The following DYRK1A variants were observed in gnomAD, a reference collection of about 807,000 sequenced individuals.
DYRK1A encodes the protein dual specificity tyrosine-phosphorylation-regulated kinase 1A.
DYRK1A carries 9 observed loss-of-function variants against 79.7 expected under a neutral mutation model. That is an observed-to-expected ratio of 0.11 (90% CI 0.07 to 0.20). The LOEUF (loss-of-function observed/expected upper bound fraction) is 0.20, where lower values mean the gene tolerates loss of function less well. DYRK1A is among the 10% of genes least tolerant of loss of function. The pLI is 1.00. For missense variants in DYRK1A, 622 were observed against 956.0 expected (o/e 0.65, Z 4.61); for synonymous variants, 349 against 329.7 (o/e 1.06, Z -0.63).
At chr21:37,404,335 T>C (rs907798944) in intron 1 of DYRK1A, among the ~76,000 whole-genome samples, 9 of 152,174 alleles carry the variant, frequency 5.9e-5, no homozygotes, top group African/African-American at 2.2e-4. Context: ...TGAGATTTCT[T>C]GTCTGTGGCT....
intron 7 of DYRK1A, among the ~76,000 whole-genome samples, chr21:37,491,440 T>C (rs1178152627): frequency 6.6e-6 from 1 of 152,198 alleles, no homozygotes; most frequent in East Asian, 1.9e-4. Flanking sequence ...TAATTTTTCT[T>C]ACTGACTTTT....
chr21:37,486,356 AT>A, intron 5 of DYRK1A, 110 bp from the exon 6 acceptor site: 1 of 874,802 alleles, frequency 1.1e-6, no homozygotes, highest in Non-Finnish European at 1.6e-6. Flanking sequence ...AAAAATAATT[AT>A]AAAAACATAT....
At chr21:37,449,163 C>T (rs544597050) in intron 2 of DYRK1A, among the ~76,000 whole-genome samples, 8 of 152,264 alleles carry the variant, frequency 5.3e-5, no homozygotes, top group Non-Finnish European at 1.2e-4. Context: ...TACTGGAATA[C>T]GTTTGACCAG....
At chr21:37,471,093 T>A (rs573012870) in intron 2 of DYRK1A, among the ~76,000 whole-genome samples, 1 of 152,340 alleles carries the variant, frequency 6.6e-6, no homozygotes, top group East Asian at 1.9e-4. Context: ...ACTTGAGATT[T>A]GTATTTTAGA....
intron 9 of DYRK1A, chr21:37,503,060 CTT>C (rs970146883): frequency 6.7e-6 from 1 of 150,106 alleles, no homozygotes; most frequent in Non-Finnish European, 1.5e-5. Flanking sequence ...AATATTTTCT[CTT>C]TGTTTGATTT....
chr21:37,405,873 G>A (rs1161436032), intron 1 of DYRK1A, among the ~76,000 whole-genome samples: 2 of 152,152 alleles, frequency 1.3e-5, no homozygotes, highest in Non-Finnish European at 2.9e-5. Context: ...GTCATCCAGT[G>A]TCATGGCATC....
At chr21:37,479,377 G>T (rs2052517037) in intron 4 of DYRK1A, among the ~76,000 whole-genome samples, 1 of 151,978 alleles carries the variant, frequency 6.6e-6, no homozygotes, top group Admixed American at 6.6e-5. Context: ...CTGATAAATT[G>T]TTAACAAAGC....
At chr21:37,407,967 A>T (rs1180175327) in intron 1 of DYRK1A, among the ~76,000 whole-genome samples, 1 of 152,078 alleles carries the variant, frequency 6.6e-6, no homozygotes, top group African/African-American at 2.4e-5. Context: ...GAAGTTTCAC[A>T]TTACAGCTCT....
chr21:37,420,003 G>T, intron 1 of DYRK1A: 1 of 162,488 alleles, frequency 6.2e-6, no homozygotes, highest in Non-Finnish European at 1.3e-5. Context: ...TAAAGTAAAT[G>T]GTGGAATATT....
Position 37,512,490 on chromosome 21 carries a change from A to T in DYRK1A, c.2224A>T (p.Thr742Ser), listed in dbSNP as rs147973077. The change falls in exon 12 of 12, where the codon ACA becomes TCA. Residue 742 changes from threonine (T) to serine (S), a missense_variant. Transcript: ENST00000647188. ...GGCTGATAGAGAAGAGTCCCCCATG[A>T]CAGGAGTTTGTGTGCAACAGAGTCC... ...QGADREESPM[T>S]GVCVQQSPVA... 229 of 1,614,078 alleles carry T rather than the reference A, an allele frequency of 1.4e-4. No homozygotes were observed. Among genetic ancestry groups the T allele is most frequent in the Admixed American group, 2.0e-4 (12 of 60,008 alleles).
chr21:37,451,525 C>T (rs888588480), intron 2 of DYRK1A, among the ~76,000 whole-genome samples: 3 of 152,086 alleles, frequency 2.0e-5, no homozygotes, highest in Admixed American at 1.3e-4. Flanking sequence ...TTATTCAGCA[C>T]GGCTGAACAG....
intron 2 of DYRK1A, among the ~76,000 whole-genome samples, chr21:37,461,132 T>A (rs897017455): frequency 6.6e-6 from 1 of 152,216 alleles, no homozygotes; most frequent in African/African-American, 2.4e-5. Context: ...TAAAAAATGA[T>A]ACGTGCTTGT....
In DYRK1A at chr21:37,411,312, C is replaced by T. The variant is rs146641093; in HGVS notation, c.-76-8987C>T. On this transcript the variant is annotated intron_variant, in intron 1 of 11. Transcript: ENST00000647188. The stretch of plus-strand genomic sequence containing the variant: ...CGGAGGTTGCAGTGAGCTGAGATCA[C>T]GCCATTGCACTCCAGCCTGAGTGAC... 9.2e-3 allele frequency among the ~76,000 whole-genome samples: 1,392 copies of T among 151,744 alleles called. 12 individuals carry two copies. The highest frequency in any genetic ancestry group is 0.041 in the Middle Eastern group (12 of 294).
At chr21:37,480,534 C>G (rs2052600043) in intron 4 of DYRK1A, 104 bp from the exon 5 acceptor site, 3 of 869,624 alleles carry the variant, frequency 3.4e-6, no homozygotes, top group Non-Finnish European at 3.4e-6. Context: ...TTTTCTAACT[C>G]AAATGTCAAC....
At chr21:37,383,837 ATGTGTGTG>A (rs112549944) in intron 1 of DYRK1A, among the ~76,000 whole-genome samples, 11 of 148,368 alleles carry the variant, frequency 7.4e-5, no homozygotes, top group African/African-American at 2.3e-4. Context: ...GTAATGGTGT[ATGTGTGTG>A]TGTGTGTGTG....
intron 2 of DYRK1A, among the ~76,000 whole-genome samples, chr21:37,457,683 A>G (rs1479786300): frequency 6.6e-6 from 1 of 152,238 alleles, no homozygotes; most frequent in East Asian, 1.9e-4. Flanking sequence ...TTTAAGTATT[A>G]TGCTGCAATT....
At chr21:37,456,111 T>C (rs1001525190) in intron 2 of DYRK1A, 6 of 152,242 alleles carry the variant, frequency 3.9e-5, no homozygotes, top group Non-Finnish European at 7.3e-5. Context: ...TACCCCTCTG[T>C]CTATATTCTA....
intron 1 of DYRK1A, among the ~76,000 whole-genome samples, chr21:37,369,832 T>C (rs1343269499): frequency 6.6e-6 from 1 of 152,242 alleles, no homozygotes; most frequent in Non-Finnish European, 1.5e-5. Context: ...TCTTAAACCT[T>C]TTAACAATAT....
chr21:37,425,380 C>T (rs889660293), intron 2 of DYRK1A, among the ~76,000 whole-genome samples: 1 of 151,948 alleles, frequency 6.6e-6, no homozygotes, highest in South Asian at 2.1e-4. Flanking sequence ...TTTTCCATTG[C>T]TTTTTATGTT....
Sources: gnomAD v4.1 joint callset for allele counts (sites outside exome capture counted in the v4.1 genomes callset) on GRCh38, gnomAD v4.1.1 for gene constraint, MANE v1.5 for transcripts, NCBI Gene and HGNC (gene_info 2026-07-23, HGNC 2026-07-21) for gene names.